NECTIN3: variants seen among roughly 807,000 people sequenced by gnomAD.
The protein encoded by NECTIN3 is nectin-3.
A neutral mutation model predicts 49.4 loss-of-function variants in NECTIN3; 8 were observed. That is an observed-to-expected ratio of 0.16 (90% CI 0.10 to 0.29). The LOEUF (loss-of-function observed/expected upper bound fraction) is 0.29. Among genes scored for constraint, NECTIN3 ranks in the 10% least tolerant of loss-of-function variants. The probability of loss-of-function intolerance (pLI) is 1.00; values close to 1 mark genes in which losing one functional copy is unlikely to be tolerated. For synonymous variants in NECTIN3, 277 were observed against 241.1 expected, an observed-to-expected ratio of 1.15 and a Z score of -1.38; for missense variants, 581 against 654.6, an observed-to-expected ratio of 0.89 and a Z score of 1.23.
intron 7 of NECTIN3, among the ~76,000 whole-genome samples, chr3:111,149,872 T>C (rs2107511833): frequency 6.6e-6 from 1 of 152,142 alleles, no homozygotes; most frequent in South Asian, 2.1e-4. Context: ...TGAAGACTAG[T>C]ATAGAATTTC....
chr3:111,155,493 T>C (rs1182463209), intron 7 of NECTIN3, among the ~76,000 whole-genome samples: 2 of 152,176 alleles, frequency 1.3e-5, no homozygotes, highest in Admixed American at 6.5e-5. Flanking sequence ...AAAAGCACGA[T>C]GTTTATGTGT....
chr3:111,080,789 T>G (rs1205021604), intron 1 of NECTIN3, among the ~76,000 whole-genome samples: 1 of 152,136 alleles, frequency 6.6e-6, no homozygotes, highest in Admixed American at 6.6e-5. Context: ...ATGAGGCATG[T>G]TGGCCCTCTA....
At chr3:111,100,428 C>A (rs1397210245) in intron 1 of NECTIN3, among the ~76,000 whole-genome samples, 2 of 152,048 alleles carry the variant, frequency 1.3e-5, no homozygotes, top group African/African-American at 4.8e-5. Context: ...TTAAAAAATA[C>A]TGTGTAAAAT....
intron 4 of NECTIN3, among the ~76,000 whole-genome samples, chr3:111,125,065 G>C (rs2034109795): frequency 8.8e-6 from 1 of 113,858 alleles, no homozygotes; most frequent in African/African-American, 3.6e-5. Context: ...GTCTCACCCT[G>C]TCACCCAGGC....
At chr3:111,149,990 A>G (rs1171344239) in intron 7 of NECTIN3, among the ~76,000 whole-genome samples, 1 of 152,060 alleles carries the variant, frequency 6.6e-6, no homozygotes, top group African/African-American at 2.4e-5. Context: ...AAACCAATTA[A>G]AATGATCTAG....
At chr3:111,117,250 GTCCAAT>G (rs2033725824) in intron 2 of NECTIN3, among the ~76,000 whole-genome samples, 1 of 152,034 alleles carries the variant, frequency 6.6e-6, no homozygotes, top group Non-Finnish European at 1.5e-5. Context: ...AATACGTATG[GTCCAAT>G]TCCATTCTTA....
At chr3:111,119,047 G>T in intron 3 of NECTIN3, 95 bp downstream of exon 3, 3 of 1,132,042 alleles carry the variant, frequency 2.7e-6, no homozygotes, top group African/African-American at 3.2e-5. Flanking sequence ...CCTTGTTTTT[G>T]TTTTTCTTTT....
chr3:111,144,497 A>C (rs560975315), intron 5 of NECTIN3, among the ~76,000 whole-genome samples: 20 of 151,882 alleles, frequency 1.3e-4, no homozygotes, highest in Non-Finnish European at 2.1e-4. Flanking sequence ...TTTTATTTTA[A>C]TAGAATAAAA....
chr3:111,127,902 C>T (rs2034231275), intron 5 of NECTIN3, among the ~76,000 whole-genome samples: 1 of 152,064 alleles, frequency 6.6e-6, no homozygotes, highest in African/African-American at 2.4e-5. Flanking sequence ...TAGTATATTA[C>T]TCTCTCTTTA....
chr3:111,152,971 T>C (rs1183710310), intron 7 of NECTIN3, among the ~76,000 whole-genome samples: 1 of 151,938 alleles, frequency 6.6e-6, no homozygotes, highest in Admixed American at 6.6e-5. Flanking sequence ...TCTTATTTTC[T>C]CCCAGGATCT....
Position 111,134,226 on chromosome 3 carries a change from A to G in NECTIN3, c.*11A>G, listed in dbSNP as rs774387179. 3.8e-6 allele frequency: 6 copies of G among 1,575,530 alleles called. No individual in the cohort carries two copies. The highest frequency in any genetic ancestry group is 4.3e-6 in the Non-Finnish European group (5 of 1,164,328). On this transcript the variant is annotated 3_prime_UTR_variant, in exon 6 of 6. Coordinates refer to ENST00000485303, the MANE Select transcript of NECTIN3 (RefSeq NM_015480.3). ...GAGTGGTATGTTTAGCAACCACTGAATGTGACTTAACTATGTACAATGTTC... is the reference window on the plus strand; with the variant it reads ...GAGTGGTATGTTTAGCAACCACTGAGTGTGACTTAACTATGTACAATGTTC...
At position 111,122,622 on chromosome 3, in the gene NECTIN3, T is replaced by G. The variant is rs547788393; in HGVS notation, c.917+384T>G. ...TAGTCCAAACGAAATTTTAGCTATT[T>G]TAAATTAAACTCAGTAATCACTGTT... On this transcript the variant is annotated intron_variant, in intron 4 of 5. Transcript: ENST00000485303. Among the ~76,000 whole-genome samples, 4 of 152,292 alleles carry G rather than the reference T, an allele frequency of 2.6e-5. No homozygotes were observed. In the South Asian group the frequency reaches 8.3e-4, roughly 32 times the overall value.
intron 1 of NECTIN3, among the ~76,000 whole-genome samples, chr3:111,090,045 G>T (rs921768927): frequency 6.6e-6 from 1 of 152,034 alleles, no homozygotes; most frequent in East Asian, 1.9e-4. Context: ...ACTTTGTCTA[G>T]TTTTCATATA....
At chr3:111,091,249 TTTTA>T (rs1212411379) in intron 1 of NECTIN3, among the ~76,000 whole-genome samples, 12 of 152,172 alleles carry the variant, frequency 7.9e-5, no homozygotes, top group Admixed American at 7.2e-4. Flanking sequence ...TTTTCTTTTC[TTTTA>T]TTTGTTTATT....
intron 1 of NECTIN3, among the ~76,000 whole-genome samples, chr3:111,104,278 C>T (rs1326612151): frequency 1.5e-5 from 2 of 137,086 alleles, no homozygotes; most frequent in Admixed American, 1.4e-4. Flanking sequence ...TTTTCATGTG[C>T]TTGTTAATGT....
intron 7 of NECTIN3, among the ~76,000 whole-genome samples, chr3:111,179,223 G>T (rs1286155216): frequency 6.6e-6 from 1 of 152,070 alleles, no homozygotes; most frequent in African/African-American, 2.4e-5. Flanking sequence ...TAAGTCCCAA[G>T]GATCTAGAAC....
intron 7 of NECTIN3, among the ~76,000 whole-genome samples, chr3:111,183,213 G>A (rs1430369453): frequency 6.6e-6 from 1 of 151,178 alleles, no homozygotes; most frequent in East Asian, 1.9e-4. Context: ...AACTGATAAA[G>A]TTATGTTTGA....
At chr3:111,125,686 C>A (rs945461214) in intron 4 of NECTIN3, among the ~76,000 whole-genome samples, 2 of 152,120 alleles carry the variant, frequency 1.3e-5, no homozygotes, top group Non-Finnish European at 1.5e-5. Context: ...GGATAGAGCA[C>A]AGTGTCTATT....
Position 111,144,957 on chromosome 3 carries a change from T to TAA in NECTIN3, c.1059_1060insAA (p.Leu354AsnfsTer11), listed in dbSNP as rs2034838054. ...TAGCTGGAGCGGTAATTGGAGCTGT[T>TAA]CTTGCCCTTTTCATCATTGCTATCT... is the stretch of plus-strand genomic sequence containing the variant. On this transcript the variant is annotated frameshift_variant, in exon 6 of 9. Coordinates refer to the NECTIN3 transcript ENST00000493615. LOFTEE classifies it high-confidence loss of function. 1 of 1,536,346 alleles carries TAA rather than the reference T, an allele frequency of 6.5e-7. No homozygotes were observed. The highest frequency in any genetic ancestry group is 8.7e-7 in the Non-Finnish European group (1 of 1,146,554).
Sources: allele counts gnomAD v4.1 joint callset (sites outside exome capture counted in the v4.1 genomes callset), GRCh38; gene constraint gnomAD v4.1.1; transcripts MANE v1.5; gene names NCBI Gene and HGNC (gene_info 2026-07-23, HGNC 2026-07-21).